The following CARF variants were observed in gnomAD, a reference collection of about 807,000 sequenced individuals.
The protein encoded by CARF is calcium-responsive transcription factor.
In CARF, 57 loss-of-function variants were observed where a neutral mutation model predicts 82.0. The observed-to-expected ratio is 0.70, with a 90% confidence interval of 0.56 to 0.87. The LOEUF (loss-of-function observed/expected upper bound fraction) is 0.87, where lower values mean the gene tolerates loss of function less well. Ranked by LOEUF, CARF falls within the 40% of genes least tolerant of loss-of-function variation. CARF has a pLI of 0.00. For missense variants in CARF, 771 were observed against 855.8 expected, an observed-to-expected ratio of 0.90 and a Z score of 1.24; for synonymous variants, 268 against 290.1, an observed-to-expected ratio of 0.92 and a Z score of 0.77.
intron 5 of CARF, among the ~76,000 whole-genome samples, chr2:202,945,684 T>C (rs991117234): frequency 6.6e-6 from 1 of 152,250 alleles, no homozygotes; most frequent in Non-Finnish European, 1.5e-5. Flanking sequence ...GGTGTATATG[T>C]ACCACATTTT....
intron 3 of CARF, among the ~76,000 whole-genome samples, chr2:202,930,543 TCAG>T (rs761447695): frequency 5.3e-5 from 8 of 152,240 alleles, no homozygotes; most frequent in Admixed American, 6.5e-5. Context: ...ATTGAATTCT[TCAG>T]CAGCAGGATT....
At chr2:202,976,168 G>A (rs1429478554) in intron 13 of CARF, among the ~76,000 whole-genome samples, 9 of 151,494 alleles carry the variant, frequency 5.9e-5, no homozygotes. Context: ...GTGGATATCA[G>A]TTTAACTCAT....
intron 6 of CARF, among the ~76,000 whole-genome samples, chr2:202,953,698 A>T (rs1303677975): frequency 1.3e-5 from 2 of 151,936 alleles, no homozygotes; most frequent in Non-Finnish European, 2.9e-5. Context: ...TTATGAGCAC[A>T]GTATATAAAC....
chr2:202,987,472 A>G lies in CARF; in HGVS notation c.*3848A>G, dbSNP rs1295364472. Among the ~76,000 whole-genome samples, 1 of 152,198 alleles carries G rather than the reference A, an allele frequency of 6.6e-6. No homozygotes were observed. Among genetic ancestry groups the G allele is most frequent in the African/African-American group, 2.4e-5 (1 of 41,448 alleles). Reference sequence around the variant, plus strand: ...TTCTCCATCAGCTGGCTTAGACATCAAACATCTTAAATGATACACTGTTTT... The same window carrying G: ...TTCTCCATCAGCTGGCTTAGACATCGAACATCTTAAATGATACACTGTTTT... On this transcript the variant is annotated 3_prime_UTR_variant, in exon 17 of 17. Coordinates refer to ENST00000438828, the MANE Select transcript of CARF (RefSeq NM_024744.17).
At chr2:202,917,379 C>T (rs1372321652) in intron 1 of CARF, among the ~76,000 whole-genome samples, 3 of 151,960 alleles carry the variant, frequency 2.0e-5, no homozygotes, top group Non-Finnish European at 4.4e-5. Context: ...TTCTGAAATC[C>T]AATCATTAAC....
intron 8 of CARF, among the ~76,000 whole-genome samples, chr2:202,959,148 C>G (rs2059193787): frequency 1.3e-5 from 2 of 151,494 alleles, no homozygotes; most frequent in African/African-American, 4.8e-5. Flanking sequence ...CTGATTTTTT[C>G]TTTATTGACA....
intron 11 of CARF, 86 bp from the exon 12 acceptor site, chr2:202,971,419 G>A (rs2059787073): frequency 2.7e-6 from 2 of 727,682 alleles, no homozygotes; most frequent in South Asian, 4.3e-5. Flanking sequence ...ATTAACCTAA[G>A]TAATTATGAT....
intron 9 of CARF, among the ~76,000 whole-genome samples, chr2:202,963,756 A>G (rs1016298636): frequency 8.5e-5 from 13 of 152,138 alleles, no homozygotes; most frequent in Admixed American, 3.9e-4. Context: ...TCTGATAGGG[A>G]GCCAGCAACC....
intron 3 of CARF, among the ~76,000 whole-genome samples, chr2:202,937,353 A>T (rs545107115): frequency 1.8e-4 from 27 of 152,184 alleles, no homozygotes; most frequent in Non-Finnish European, 3.5e-4. Flanking sequence ...TTATTATTTT[A>T]TACAGAGTGT....
Position 202,961,234 on chromosome 2 carries a change from C to A in CARF, c.643-3C>A. 1 of 1,597,028 alleles carries A rather than the reference C, an allele frequency of 6.3e-7. No homozygotes were observed. Among genetic ancestry groups the A allele is most frequent in the South Asian group, 1.1e-5 (1 of 88,978 alleles). On this transcript the variant is annotated splice_polypyrimidine_tract_variant and splice_region_variant and intron_variant, in intron 8 of 16. Coordinates refer to ENST00000438828, the MANE Select transcript of CARF (RefSeq NM_024744.17). ...AATTTTGTTTAATTTCTACCACATG[C>A]AGAAAATTGGAGATTCATACCGTGG...
chr2:202,982,337 G>C lies in CARF; in HGVS notation c.1955G>C (p.Gly652Ala). ...LVAMDELVEV[G>A]DVEDTGNLEG... is the part of the protein sequence containing the mutation. ...GCAATGGACGAGCTGGTAGAAGTTGGAGATGTTGAGGATACAGGGAATCTG... is the reference window on the plus strand; with the variant it reads ...GCAATGGACGAGCTGGTAGAAGTTGCAGATGTTGAGGATACAGGGAATCTG... The change falls in exon 16 of 17, where the codon GGA becomes GCA. Residue 652 changes from glycine to alanine, a missense_variant. Coordinates refer to ENST00000438828, the MANE Select transcript of CARF (RefSeq NM_024744.17). The C allele has an allele frequency of 6.2e-7, 1 of 1,614,164 alleles. No homozygotes were observed.
chr2:202,932,395 TCTAGC>T (rs1693103340), intron 3 of CARF, among the ~76,000 whole-genome samples: 1 of 152,090 alleles, frequency 6.6e-6, no homozygotes. Context: ...TCAGATACCC[TCTAGC>T]AGCTCAGGCC....
chr2:202,930,889 A>C (rs1692773698), intron 3 of CARF, among the ~76,000 whole-genome samples: 1 of 151,282 alleles, frequency 6.6e-6, no homozygotes, highest in Non-Finnish European at 1.5e-5. Context: ...GATGATGAGG[A>C]TGAATACCTT....
intron 14 of CARF, among the ~76,000 whole-genome samples, chr2:202,978,943 T>G (rs2060137752): frequency 2.0e-5 from 3 of 152,064 alleles, no homozygotes; most frequent in Admixed American, 2.0e-4. Context: ...GTGAAATACA[T>G]GAGCAAAATC....
rs768450255 is a variant in CARF at position 202,954,056 on chromosome 2, A to C, written c.479A>C (p.Asp160Ala). 6.2e-7 allele frequency: 1 copy of C among 1,612,750 alleles called. No homozygotes were observed. Among genetic ancestry groups the C allele is most frequent in the South Asian group, 1.1e-5 (1 of 90,854 alleles). The change falls in exon 7 of 17, where the codon GAT (aspartate) becomes GCT (alanine). Residue 160 changes from aspartate to alanine, a missense_variant. Physicochemically the swap from Asp to Ala is moderately radical, Grantham distance 126. Transcript: ENST00000438828. ...AGAAACTTACCAACTGTAAGAGTGG[A>C]TACTCTAGCAGACAATACCAGCAAT... ...SNRNLPTVRV[D>A]TLADNTSNYI...
intron 3 of CARF, among the ~76,000 whole-genome samples, chr2:202,929,986 C>T (rs569073801): frequency 2.0e-5 from 3 of 152,104 alleles, no homozygotes; most frequent in African/African-American, 4.8e-5. Context: ...TCCATAAATG[C>T]GATGTCTTTC....
chr2:202,965,366 G>C (rs1348660477), intron 9 of CARF, among the ~76,000 whole-genome samples: 1 of 152,076 alleles, frequency 6.6e-6, no homozygotes, highest in Non-Finnish European at 1.5e-5. Context: ...AGTTTTTATA[G>C]AGTATTATGG....
intron 7 of CARF, 123 bp from the exon 8 acceptor site, chr2:202,955,551 A>T: frequency 1.8e-6 from 1 of 562,356 alleles, no homozygotes; most frequent in Non-Finnish European, 3.1e-6. Context: ...ATCTGTAGTT[A>T]TTGTTAAAAT....
chr2:202,952,601 G>C lies in CARF; in HGVS notation c.349G>C (p.Val117Leu), dbSNP rs762408121. 6.2e-7 allele frequency: 1 copy of C among 1,613,502 alleles called. No homozygotes were observed. Among genetic ancestry groups the C allele is most frequent in the South Asian group, 1.1e-5 (1 of 91,062 alleles). The change falls in exon 6 of 17, where the codon GTA becomes CTA. Residue 117 changes from valine to leucine, a missense_variant. Coordinates refer to ENST00000438828, the MANE Select transcript of CARF (RefSeq NM_024744.17). ...AACAGAAAATGGACAGGTACTTCGT[G>C]TAATTCCACCTACCCAGACAGGAAT... ...SPTENGQVLR[V>L]IPPTQTGMAQ...
Sources: gnomAD v4.1 joint callset for allele counts (sites outside exome capture counted in the v4.1 genomes callset) on GRCh38, gnomAD v4.1.1 for gene constraint, MANE v1.5 for transcripts, NCBI Gene and HGNC (gene_info 2026-07-23, HGNC 2026-07-21) for gene names.